Variants in ACMSD observed in about 807,000 individuals in gnomAD.
ACMSD encodes 2-amino-3-carboxymuconate-6-semialdehyde decarboxylase.
In ACMSD, 37 loss-of-function variants were observed where a neutral mutation model predicts 45.9. That is an observed-to-expected ratio of 0.81 (90% confidence interval 0.62 to 1.06). The LOEUF (loss-of-function observed/expected upper bound fraction) is 1.06, where lower values mean the gene tolerates loss of function less well. ACMSD is among the 50% of genes least tolerant of loss of function. The pLI is 0.00. For missense variants in ACMSD, 434 were observed against 420.9 expected (o/e 1.03, Z -0.27); for synonymous variants, 138 against 148.8 (o/e 0.93, Z 0.53).
chr2:134,880,924 A>AT, intron 8 of ACMSD, among the ~76,000 whole-genome samples: 1 of 151,994 alleles, frequency 6.6e-6, no homozygotes, highest in Non-Finnish European at 1.5e-5. Flanking sequence ...TTTCACCTCA[A>AT]TTTTTTTTAA....
At chr2:134,842,841 G>T (rs1388285662) in intron 1 of ACMSD, among the ~76,000 whole-genome samples, 1 of 152,192 alleles carries the variant, frequency 6.6e-6, no homozygotes, top group Non-Finnish European at 1.5e-5. Flanking sequence ...CCTTGTAAGT[G>T]ACTTGTCGCA....
At chr2:134,841,995 A>C (rs1686826796) in intron 1 of ACMSD, among the ~76,000 whole-genome samples, 1 of 152,206 alleles carries the variant, frequency 6.6e-6, no homozygotes, top group Non-Finnish European at 1.5e-5. Context: ...CAAGACATTA[A>C]CAATGTCATT....
At chr2:134,871,674 A>AC (rs1559055052) in intron 7 of ACMSD, among the ~76,000 whole-genome samples, 4 of 142,352 alleles carry the variant, frequency 2.8e-5, no homozygotes, top group African/African-American at 1.1e-4. Context: ...GTGACCCTTC[A>AC]ACAGACAGAC....
At chr2:134,843,653 T>A (rs1686913052) in intron 1 of ACMSD, among the ~76,000 whole-genome samples, 1 of 152,180 alleles carries the variant, frequency 6.6e-6, no homozygotes. Flanking sequence ...AGTGAGAGGT[T>A]GAGTTGATGT....
intron 6 of ACMSD, chr2:134,869,035 G>A (rs1183584087): frequency 6.6e-6 from 1 of 151,466 alleles, no homozygotes; most frequent in Non-Finnish European, 1.5e-5. Context: ...ATATATTCCT[G>A]TGATTGCTGT....
Position 134,898,377 on chromosome 2 carries a change from C to G in ACMSD, c.886C>G (p.Leu296Val), listed in dbSNP as rs772097831. 6 of 1,601,396 alleles carry G rather than the reference C, an allele frequency of 3.7e-6. No homozygotes were observed. The highest frequency in any genetic ancestry group is 2.6e-6 in the Non-Finnish European group (3 of 1,174,608). ...VILGTDYPFP[L>V]GELEPGKLIE... ...TTTGGGAACCGATTACCCCTTTCCA[C>G]TAGGTGAGCTGGAACCTGGGAAACT... Residue 296 changes from leucine to valine, a missense_variant, in exon 9 of 10, where the codon CTA (leucine) becomes GTA (valine). Coordinates refer to ENST00000356140, the MANE Select transcript of ACMSD (RefSeq NM_138326.3).
intron 5 of ACMSD, among the ~76,000 whole-genome samples, chr2:134,865,815 G>T (rs935320485): frequency 6.6e-6 from 1 of 152,074 alleles, no homozygotes; most frequent in African/African-American, 2.4e-5. Context: ...AAACAACTTC[G>T]TTATTGGTAT....
At chr2:134,849,155 A>C (rs1370986841) in intron 2 of ACMSD, among the ~76,000 whole-genome samples, 1 of 151,926 alleles carries the variant, frequency 6.6e-6, no homozygotes, top group Non-Finnish European at 1.5e-5. Flanking sequence ...GTCCTTCAAT[A>C]GTGGATTTGA....
chr2:134,859,336 A>C lies in ACMSD; in HGVS notation c.178A>C (p.Ile60Leu), dbSNP rs767630747. The C allele has an allele frequency of 2.5e-6, 4 of 1,613,976 alleles. No homozygotes were observed. The highest frequency in any genetic ancestry group is 3.4e-6 in the Non-Finnish European group (4 of 1,179,984). ...RENCWDPEVR[I>L]REMDQKGVTV... is the part of the protein sequence containing the mutation. Reference sequence around the variant, plus strand: ...GAATTGCTGGGATCCAGAAGTTCGTATTAGAGAAATGGACCAAAAAGGTAC... The same window carrying C: ...GAATTGCTGGGATCCAGAAGTTCGTCTTAGAGAAATGGACCAAAAAGGTAC... Residue 60 changes from isoleucine (I) to leucine (L), a missense_variant, in exon 3 of 10, where the codon ATT becomes CTT. Transcript: ENST00000356140.
Position 134,872,385 on chromosome 2 carries a change from C to T in ACMSD, c.677-84C>T, listed in dbSNP as rs1020447067. The stretch of plus-strand genomic sequence containing the variant: ...TAATTACTGTTAATCAGCTGGCCTA[C>T]AGTAACTTCTTGCATATAACATCAA... On this transcript the variant is annotated intron_variant, in intron 7 of 9. Coordinates refer to ENST00000356140, the MANE Select transcript of ACMSD (RefSeq NM_138326.3). The T allele has an allele frequency of 2.7e-5, 40 of 1,506,626 alleles. No individual in the cohort carries two copies. In the African/African-American group the frequency reaches 5.1e-4, roughly 19 times the overall value. The allele number at this position is 1,506,626 out of a possible 1,614,324, so 93.3% of individuals were successfully genotyped here.
intron 8 of ACMSD, among the ~76,000 whole-genome samples, chr2:134,875,166 CT>C (rs1276448298): frequency 2.0e-5 from 3 of 151,882 alleles, no homozygotes; most frequent in Non-Finnish European, 4.4e-5. Flanking sequence ...ACACCCAACT[CT>C]TTTTTTTATT....
chr2:134,887,990 A>G (rs1212282475), intron 8 of ACMSD, among the ~76,000 whole-genome samples: 1 of 152,256 alleles, frequency 6.6e-6, no homozygotes, highest in African/African-American at 2.4e-5. Flanking sequence ...AGATGCAGAA[A>G]GCAATAAAAC....
rs529706023 is a variant in ACMSD, at chr2:134,863,466, C to T, written c.321C>T (p.Tyr107=). Reference sequence around the variant, plus strand: ...ACCTTGCCAGCACCGTTGTGAGCTACCCCAGGAGGTTCGTGGGTCTGGGGA... The same window carrying T: ...ACCTTGCCAGCACCGTTGTGAGCTATCCCAGGAGGTTCGTGGGTCTGGGGA... ...NNDLASTVVS[Y]PRRFVGLGTL... Residue 107 remains tyrosine (Y), a synonymous_variant, in exon 5 of 10, where the codon TAC becomes TAT. Transcript: ENST00000356140. 1 of 1,614,242 alleles carries T rather than the reference C, an allele frequency of 6.2e-7. No homozygotes were observed. The highest frequency in any genetic ancestry group is 1.1e-5 in the South Asian group (1 of 91,084).
At chr2:134,859,660 A>G in intron 3 of ACMSD, 1 of 203,500 alleles carries the variant, frequency 4.9e-6, no homozygotes, top group East Asian at 1.1e-4. Context: ...TACTTATTAT[A>G]AAATCAATTA....
At chr2:134,892,456 G>A (rs1689847045) in intron 8 of ACMSD, among the ~76,000 whole-genome samples, 1 of 134,824 alleles carries the variant, frequency 7.4e-6, no homozygotes, top group Admixed American at 8.6e-5. Context: ...TTCTATTGCT[G>A]TGGAAAAAAT....
intron 8 of ACMSD, chr2:134,873,435 G>C (rs1688566996): frequency 6.6e-6 from 1 of 152,150 alleles, no homozygotes; most frequent in African/African-American, 2.4e-5. Context: ...CTTATTAACA[G>C]ATATCTATAG....
chr2:134,871,744 C>G (rs190925169), intron 7 of ACMSD, among the ~76,000 whole-genome samples: 1 of 151,206 alleles, frequency 6.6e-6, no homozygotes, highest in African/African-American at 2.4e-5. Flanking sequence ...CGCTAACATG[C>G]CTTTCCTCCT....
At chr2:134,896,689 T>C (rs187590790) in intron 8 of ACMSD, among the ~76,000 whole-genome samples, 48 of 152,326 alleles carry the variant, frequency 3.2e-4, no homozygotes, top group Admixed American at 2.6e-3. Context: ...GGAACCCTCA[T>C]ACATGCTGGT....
At chr2:134,881,925 C>G (rs1394511810) in intron 8 of ACMSD, among the ~76,000 whole-genome samples, 1 of 152,148 alleles carries the variant, frequency 6.6e-6, no homozygotes, top group Non-Finnish European at 1.5e-5. Context: ...TGAGACCAAC[C>G]TAGCCAACAT....
Sources: gnomAD v4.1 joint callset for allele counts (sites outside exome capture counted in the v4.1 genomes callset) on GRCh38, gnomAD v4.1.1 for gene constraint, MANE v1.5 for transcripts, NCBI Gene and HGNC (gene_info 2026-07-23, HGNC 2026-07-21) for gene names.